SNTG1: variants seen among roughly 807,000 people sequenced by gnomAD.
SNTG1 encodes the protein syntrophin gamma 1.
In SNTG1, 39 loss-of-function variants were observed where a neutral mutation model predicts 74.7. The ratio of observed to expected loss-of-function variants is 0.52; its 90% CI spans 0.40 to 0.68. The LOEUF (loss-of-function observed/expected upper bound fraction) is 0.68, where lower values mean the gene tolerates loss of function less well. SNTG1 is among the 30% of genes least tolerant of loss of function. The pLI, the probability that SNTG1 is intolerant of heterozygous loss-of-function variation, is 0.00. For missense variants in SNTG1, 685 were observed against 609.5 expected (o/e 1.12, Z -1.30); for synonymous variants, 254 against 217.1 (o/e 1.17, Z -1.49).
intron 17 of SNTG1, among the ~76,000 whole-genome samples, chr8:50,720,182 C>T (rs2095484438): frequency 1.3e-5 from 2 of 152,284 alleles, no homozygotes; most frequent in South Asian, 4.1e-4. Flanking sequence ...CCATTTTAGT[C>T]TCACACCTTT....
chr8:50,365,963 C>T (rs1372294678), intron 2 of SNTG1, among the ~76,000 whole-genome samples: 1 of 152,144 alleles, frequency 6.6e-6, no homozygotes. Flanking sequence ...TAACCATTTC[C>T]TACTTTTCTA....
intron 17 of SNTG1, among the ~76,000 whole-genome samples, chr8:50,734,886 T>G (rs1228513089): frequency 7.2e-6 from 1 of 139,100 alleles, no homozygotes; most frequent in Non-Finnish European, 1.6e-5. Context: ...TATATATATC[T>G]ATATATATGG....
intron 12 of SNTG1, among the ~76,000 whole-genome samples, chr8:50,554,637 A>G (rs2094445531): frequency 6.6e-6 from 1 of 151,974 alleles, no homozygotes; most frequent in Non-Finnish European, 1.5e-5. Context: ...TTGTCACCAT[A>G]TTAGAGTTGA....
intron 2 of SNTG1, among the ~76,000 whole-genome samples, chr8:50,251,277 C>CACCAA (rs917487493): frequency 1.1e-4 from 16 of 151,826 alleles, no homozygotes; most frequent in African/African-American, 3.9e-4. Flanking sequence ...TACAGAAAAC[C>CACCAA]ACCAAACCAG....
chr8:50,007,401 GAGATA>G (rs1313571556), intron 1 of SNTG1, among the ~76,000 whole-genome samples: 3 of 152,086 alleles, frequency 2.0e-5, no homozygotes, highest in Non-Finnish European at 4.4e-5. Flanking sequence ...GGAGGAGGGA[GAGATA>G]GTTTTCACCA....
intron 1 of SNTG1, among the ~76,000 whole-genome samples, chr8:50,161,077 A>G (rs756237840): frequency 3.9e-5 from 6 of 152,244 alleles, no homozygotes; most frequent in Non-Finnish European, 5.9e-5. Context: ...TAGATCATTA[A>G]GGACAGTGAA....
At chr8:50,222,529 A>G (rs1387467487) in intron 2 of SNTG1, among the ~76,000 whole-genome samples, 1 of 152,172 alleles carries the variant, frequency 6.6e-6, no homozygotes, top group Non-Finnish European at 1.5e-5. Flanking sequence ...AAAATATATG[A>G]TAAAGTGTTT....
At chr8:50,010,944 A>G (rs13255224) in intron 1 of SNTG1, among the ~76,000 whole-genome samples, 78,835 of 151,818 alleles carry the variant, frequency 0.52, 23,988 homozygotes, top group East Asian at 0.8. Context: ...CATTCATTTT[A>G]ATGGTAGTGA....
At chr8:50,467,363 T>A (rs4442158) in intron 8 of SNTG1, among the ~76,000 whole-genome samples, 109,812 of 151,626 alleles carry the variant, frequency 0.72, 41,395 homozygotes, top group East Asian at 0.84. Flanking sequence ...CCATTTTGTA[T>A]TATCTATTTC....
At chr8:49,949,896 T>C (rs1809548664) in intron 1 of SNTG1, among the ~76,000 whole-genome samples, 1 of 152,144 alleles carries the variant, frequency 6.6e-6, no homozygotes, top group Non-Finnish European at 1.5e-5. Context: ...TCCCAGCACT[T>C]TGGGAGGATT....
chr8:50,384,940 T>A lies in SNTG1; in HGVS notation c.-27-9272T>A, dbSNP rs550652259. ...ATGATGAACATCTCAGGTGACTTGG[T>A]GTCCCATGGTTAATCATTCTGTATC... On this transcript the variant is annotated intron_variant, in intron 2 of 18. Transcript: ENST00000642720. Among the ~76,000 whole-genome samples, 6 of 152,272 alleles carry A rather than the reference T, an allele frequency of 3.9e-5. No homozygotes were observed. The South Asian group carries it at 1.2e-3, about 32-fold the overall frequency.
At chr8:50,366,559 T>G (rs1178811386) in intron 2 of SNTG1, among the ~76,000 whole-genome samples, 1 of 151,476 alleles carries the variant, frequency 6.6e-6, no homozygotes. Context: ...GAATGTATAA[T>G]AGGGATCTAC....
intron 1 of SNTG1, among the ~76,000 whole-genome samples, chr8:50,093,019 A>G (rs866903002): frequency 6.6e-6 from 1 of 152,142 alleles, no homozygotes; most frequent in African/African-American, 2.4e-5. Flanking sequence ...TCTCAAGAGC[A>G]AATAATATTA....
At position 50,794,744 on chromosome 8, in the gene SNTG1, A is replaced by G. The variant is rs927399031; in HGVS notation, c.*1915A>G. On this transcript the variant is annotated 3_prime_UTR_variant, in exon 19 of 19. Transcript: ENST00000642720. ...CCAGAGCTGAATCTCAGTGTGCCCC[A>G]TATTGGGGTTACATGAATGTGTCCA... 6.6e-6 allele frequency: 1 copy of G among 152,024 alleles called. No individual in the cohort carries two copies. The highest frequency in any genetic ancestry group is 1.5e-5 in the Non-Finnish European group (1 of 67,958). 9.4% of individuals were successfully genotyped at this position (152,024 alleles called of 1,614,324 possible). A position where few individuals can be genotyped will look rare whatever the true frequency, so the allele number is the denominator to read the frequency against.
chr8:50,134,518 A>G (rs1235658364), intron 1 of SNTG1, among the ~76,000 whole-genome samples: 1 of 152,108 alleles, frequency 6.6e-6, no homozygotes, highest in Non-Finnish European at 1.5e-5. Context: ...GGCTTATGGG[A>G]AAGCTTTTTT....
intron 1 of SNTG1, among the ~76,000 whole-genome samples, chr8:50,132,139 A>G (rs922509548): frequency 6.6e-6 from 1 of 152,138 alleles, no homozygotes; most frequent in African/African-American, 2.4e-5. Context: ...TTCTTGCTCA[A>G]AATTGCTTTT....
chr8:50,468,205 A>T (rs1459710309), intron 8 of SNTG1, among the ~76,000 whole-genome samples: 1 of 152,034 alleles, frequency 6.6e-6, no homozygotes, highest in Non-Finnish European at 1.5e-5. Flanking sequence ...TGCTTGAACT[A>T]TCAGTTTTTG....
At chr8:50,437,700 G>A (rs1563386284) in intron 4 of SNTG1, among the ~76,000 whole-genome samples, 1 of 152,158 alleles carries the variant, frequency 6.6e-6, no homozygotes, top group African/African-American at 2.4e-5. Context: ...ATAGGGGAAT[G>A]TTCAAAAAGA....
At position 50,642,334 on chromosome 8, in the gene SNTG1, C is replaced by T. The variant is rs141467990; in HGVS notation, c.850-14575C>T. The stretch of plus-strand genomic sequence containing the variant: ...ACAGGCCTTCTTGCTTCTTTTCTTT[C>T]TTTCTCTTCAGGCAAGCAATCCAGT... On this transcript the variant is annotated intron_variant, in intron 13 of 18. Transcript: ENST00000642720. 8.6e-3 allele frequency among the ~76,000 whole-genome samples: 1,302 copies of T among 152,198 alleles called. 20 individuals carry two copies. The highest frequency in any genetic ancestry group is 0.029 in the African/African-American group (1,215 of 41,518).
Sources: allele counts gnomAD v4.1 joint callset (sites outside exome capture counted in the v4.1 genomes callset), GRCh38; gene constraint gnomAD v4.1.1; transcripts MANE v1.5; gene names NCBI Gene and HGNC (gene_info 2026-07-23, HGNC 2026-07-21).